Variants in GLYATL2 observed in about 807,000 individuals in gnomAD.
GLYATL2 encodes glycine-N-acyltransferase like 2, also known as glycine N-acyltransferase-like protein 2.
GLYATL2 carries 25 observed loss-of-function variants against 21.4 expected under a neutral mutation model. That is an observed-to-expected ratio of 1.17 (90% CI 0.85 to 1.63). GLYATL2 has a LOEUF of 1.63. Ranked by LOEUF, GLYATL2 falls within the 40% of genes most tolerant of loss-of-function variation. The pLI, the probability that GLYATL2 is intolerant of heterozygous loss-of-function variation, is 0.00. For synonymous variants in GLYATL2, 114 were observed against 118.2 expected, an observed-to-expected ratio of 0.96 and a Z score of 0.23; for missense variants, 361 against 343.3, an observed-to-expected ratio of 1.05 and a Z score of -0.41.
At position 58,868,752 on chromosome 11, in the gene GLYATL2, G is replaced by A. The variant is rs1351775289; in HGVS notation, n.61-30384C>T. On this transcript the variant is annotated intron_variant and non_coding_transcript_variant, in intron 1 of 4. Transcript: ENST00000533636. ...GAGTTCCCTCTCTTTGGGGCCAGCC[G>A]CAGCTGGCCTTAACCATGTTCCTGA... is the stretch of plus-strand genomic sequence containing the variant. Among the ~76,000 whole-genome samples the A allele has an allele frequency of 2.7e-5, 4 of 149,062 alleles. 1 individual carries two copies. Among genetic ancestry groups the A allele is most frequent in the Non-Finnish European group, 6.0e-5 (4 of 67,176 alleles).
upstream of GLYATL2, chr11:58,905,758 G>GAGC: frequency 3.6e-5 from 1 of 27,562 alleles, no homozygotes; most frequent in Non-Finnish European, 7.0e-5. Flanking sequence ...GGGCGGGTGG[G>GAGC]CGCGCAGTCC....
chr11:58,907,567 T>G, upstream of GLYATL2: 1 of 357,062 alleles, frequency 2.8e-6, no homozygotes, highest in South Asian at 2.2e-5. Flanking sequence ...TAATGACTTT[T>G]AATGTTCCTG....
Position 58,834,744 on chromosome 11 carries a change from T to A in GLYATL2, c.570A>T (p.Lys190Asn). 1 of 1,614,054 alleles carries A rather than the reference T, an allele frequency of 6.2e-7. No individual in the cohort carries two copies. The highest frequency in any genetic ancestry group is 8.5e-7 in the Non-Finnish European group (1 of 1,179,966). Residue 190 changes from lysine (K) to asparagine (N), a missense_variant, in exon 6 of 6, where the codon AAA (lysine) becomes AAT (asparagine). Lys to Asn is a moderately conservative substitution (Grantham distance 94). Transcript: ENST00000287275. ...AATCCTGGAGGCAGCGTTCAATATA[T>A]TTCAAGCTCCTCTCATTTTTCCCAA... is the stretch of plus-strand genomic sequence containing the variant. ...WAFGKNERSL[K>N]YIERCLQDFL...
At chr11:58,880,223 A>G (rs1407233472) in intron 1 of GLYATL2, among the ~76,000 whole-genome samples, 4 of 152,206 alleles carry the variant, frequency 2.6e-5, no homozygotes, top group Admixed American at 2.6e-4. Context: ...AATTTAAAAA[A>G]GAAATGTTGA....
In GLYATL2 at chr11:58,894,080, C is replaced by T. The variant is rs192308594; in HGVS notation, n.60+10076G>A. ...TGCTATGGAAATGACACTTGTTGTGCCTCCTTTCTCCTACTCTTTCTTACT... is the reference window on the plus strand; with the variant it reads ...TGCTATGGAAATGACACTTGTTGTGTCTCCTTTCTCCTACTCTTTCTTACT... On this transcript the variant is annotated intron_variant and non_coding_transcript_variant, in intron 1 of 4. Coordinates refer to the GLYATL2 transcript ENST00000533636. 1.4e-3 allele frequency among the ~76,000 whole-genome samples: 213 copies of T among 152,282 alleles called. 1 individual carries two copies. The highest frequency in any genetic ancestry group is 4.9e-3 in the African/African-American group (202 of 41,568).
intron 1 of GLYATL2, among the ~76,000 whole-genome samples, chr11:58,902,172 G>T (rs1020993767): frequency 6.6e-6 from 1 of 152,156 alleles, no homozygotes; most frequent in Non-Finnish European, 1.5e-5. Flanking sequence ...AATAGGGGCA[G>T]GTTGTTAGCA....
intron 1 of GLYATL2, among the ~76,000 whole-genome samples, chr11:58,843,270 G>C (rs1853585192): frequency 6.6e-6 from 1 of 152,128 alleles, no homozygotes; most frequent in Admixed American, 6.5e-5. Flanking sequence ...GCAGTAAGTG[G>C]GTGAGGGAGT....
chr11:58,884,182 C>G (rs1472415581), intron 1 of GLYATL2, among the ~76,000 whole-genome samples: 2 of 152,140 alleles, frequency 1.3e-5, no homozygotes. Flanking sequence ...TTTCACCACT[C>G]CTATTCAACA....
At chr11:58,881,807 A>T (rs1854341026) in intron 1 of GLYATL2, among the ~76,000 whole-genome samples, 2 of 151,998 alleles carry the variant, frequency 1.3e-5, no homozygotes, top group Admixed American at 1.3e-4. Flanking sequence ...CTCATTGTTC[A>T]ATTCCCACCT....
intron 1 of GLYATL2, among the ~76,000 whole-genome samples, chr11:58,873,931 T>G (rs189981051): frequency 1.3e-5 from 2 of 152,320 alleles, no homozygotes; most frequent in African/African-American, 4.8e-5. Flanking sequence ...TTTTTTTGGT[T>G]GGTAAGCTAT....
At chr11:58,848,273 A>T (rs1853679045), upstream of GLYATL2, among the ~76,000 whole-genome samples, 2 of 151,964 alleles carry the variant, frequency 1.3e-5, no homozygotes, top group South Asian at 4.2e-4. Context: ...CAAACACCTA[A>T]CTCTTCAGTG....
At chr11:58,894,029 A>G (rs1854591661) in intron 1 of GLYATL2, among the ~76,000 whole-genome samples, 1 of 152,196 alleles carries the variant, frequency 6.6e-6, no homozygotes, top group Non-Finnish European at 1.5e-5. Flanking sequence ...TCTCCAGAGA[A>G]TCAAGTGGGC....
chr11:58,851,185 C>G (rs560816), intron 1 of GLYATL2, among the ~76,000 whole-genome samples: 131,515 of 152,070 alleles, frequency 0.86, 58,228 homozygotes, highest in Non-Finnish European at 0.96. Flanking sequence ...TACTGGTCTC[C>G]GCATCTTGGT....
intron 1 of GLYATL2, among the ~76,000 whole-genome samples, chr11:58,859,969 ACTTCATGTTT>A (rs1344769781): frequency 6.6e-6 from 1 of 151,994 alleles, no homozygotes; most frequent in Non-Finnish European, 1.5e-5. Context: ...CTGTTCCATT[ACTTCATGTTT>A]CTGTTTTTAT....
upstream of GLYATL2, among the ~76,000 whole-genome samples, chr11:58,847,632 ACTT>A (rs1322986695): frequency 6.6e-6 from 1 of 152,212 alleles, no homozygotes; most frequent in African/African-American, 2.4e-5. Flanking sequence ...AGTGGGAAGA[ACTT>A]CATCTTGTGG....
At chr11:58,836,647 C>T (rs958622104) in intron 5 of GLYATL2, among the ~76,000 whole-genome samples, 6 of 152,036 alleles carry the variant, frequency 3.9e-5, no homozygotes, top group Non-Finnish European at 8.8e-5. Flanking sequence ...ATTATTTACA[C>T]CTAGCAAGGG....
At chr11:58,839,870 TA>T (rs57341431) in intron 1 of GLYATL2, among the ~76,000 whole-genome samples, 28,742 of 152,008 alleles carry the variant, frequency 0.19, 2,859 homozygotes, top group East Asian at 0.26. Context: ...CAATTCCACT[TA>T]AAAAGTACAT....
intron 1 of GLYATL2, among the ~76,000 whole-genome samples, chr11:58,899,003 C>G (rs1186846660): frequency 6.6e-6 from 1 of 152,136 alleles, no homozygotes; most frequent in Non-Finnish European, 1.5e-5. Flanking sequence ...ACTCAGGGGA[C>G]TGATGCCCTA....
chr11:58,899,281 G>A lies in GLYATL2; in HGVS notation n.60+4875C>T, dbSNP rs141190372. ...CCACCCCCACCTCAGGGGATTTCAGGATGTACAGGGCAAAGCTGTCTCCCT... is the reference window on the plus strand; with the variant it reads ...CCACCCCCACCTCAGGGGATTTCAGAATGTACAGGGCAAAGCTGTCTCCCT... On this transcript the variant is annotated intron_variant and non_coding_transcript_variant, in intron 1 of 4. Transcript: ENST00000533636. Among the ~76,000 whole-genome samples the A allele has an allele frequency of 5.9e-3, 896 of 152,144 alleles. 7 individuals carry two copies. Among genetic ancestry groups the A allele is most frequent in the Middle Eastern group, 0.02 (6 of 294 alleles).
Sources: allele counts gnomAD v4.1 joint callset (sites outside exome capture counted in the v4.1 genomes callset), GRCh38; gene constraint gnomAD v4.1.1; transcripts MANE v1.5; gene names NCBI Gene and HGNC (gene_info 2026-07-23, HGNC 2026-07-21).